The following XKR9 variants were observed in gnomAD, a reference collection of about 807,000 sequenced individuals.
The protein encoded by XKR9 is XK-related protein 9.
A neutral mutation model predicts 32.0 loss-of-function variants in XKR9; 32 were observed. The observed-to-expected ratio is 1.00, with a 90% confidence interval of 0.76 to 1.34. The LOEUF is 1.34. Ranked by LOEUF, XKR9 falls within the 40% of genes most tolerant of loss-of-function variation. The pLI is 0.00. For synonymous variants in XKR9, 168 were observed against 143.4 expected, an observed-to-expected ratio of 1.17 and a Z score of -1.22; for missense variants, 546 against 429.7, an observed-to-expected ratio of 1.27 and a Z score of -2.39.
At chr8:70,901,520 T>C in the XKR9 span, among the ~76,000 whole-genome samples, 1 of 152,338 alleles carries the variant, frequency 6.6e-6, no homozygotes, top group South Asian at 2.1e-4. Flanking sequence ...GTTTTTTTCC[T>C]TGTAAATTTG....
the XKR9 span, among the ~76,000 whole-genome samples, chr8:70,982,922 T>C: frequency 6.6e-6 from 1 of 152,248 alleles, no homozygotes; most frequent in Non-Finnish European, 1.5e-5. Context: ...GGACTAATTT[T>C]TATTCTATGT....
At chr8:70,688,016 A>G (rs1297792700) in intron 3 of XKR9, among the ~76,000 whole-genome samples, 2 of 152,232 alleles carry the variant, frequency 1.3e-5, no homozygotes, top group Non-Finnish European at 1.5e-5. Context: ...AGTTGTTTTA[A>G]GTGTTGGGGA....
chr8:70,769,854 G>T (rs1455748353), intron 2 of XKR9, among the ~76,000 whole-genome samples: 3 of 151,832 alleles, frequency 2.0e-5, no homozygotes, highest in African/African-American at 7.3e-5. Context: ...TTTTATCAAG[G>T]TTCTTAGCTT....
the XKR9 span, among the ~76,000 whole-genome samples, chr8:70,813,142 A>G: frequency 6.6e-6 from 1 of 152,194 alleles, no homozygotes; most frequent in South Asian, 2.1e-4. Context: ...AATGCCGCAT[A>G]TCTACAACCA....
At chr8:70,802,033 T>C in the XKR9 span, among the ~76,000 whole-genome samples, 2 of 151,548 alleles carry the variant, frequency 1.3e-5, no homozygotes, top group Non-Finnish European at 2.9e-5. Context: ...GCCTCCCAGG[T>C]TCACGCCATT....
At chr8:70,723,637 AGCGGAGGCTG>A (rs1479983212) in intron 4 of XKR9, among the ~76,000 whole-genome samples, 3 of 152,210 alleles carry the variant, frequency 2.0e-5, no homozygotes, top group Non-Finnish European at 4.4e-5. Context: ...GGGTATCACC[AGCGGAGGCTG>A]CAGAACAGCA....
At chr8:71,064,723 G>A in the XKR9 span, among the ~76,000 whole-genome samples, 1 of 152,092 alleles carries the variant, frequency 6.6e-6, no homozygotes, top group Non-Finnish European at 1.5e-5. Flanking sequence ...TATTCCTGGT[G>A]CATATGCGAA....
chr8:70,900,814 C>G, the XKR9 span, among the ~76,000 whole-genome samples: 5 of 152,072 alleles, frequency 3.3e-5, no homozygotes, highest in Non-Finnish European at 7.4e-5. Flanking sequence ...TCCCCTACCC[C>G]CGACCCCACT....
chr8:70,811,607 A>T, the XKR9 span, among the ~76,000 whole-genome samples: 3 of 152,182 alleles, frequency 2.0e-5, no homozygotes, highest in African/African-American at 7.2e-5. Flanking sequence ...GATAAAGGGG[A>T]TATTACCACC....
chr8:70,911,273 A>G, the XKR9 span, among the ~76,000 whole-genome samples: 1 of 152,168 alleles, frequency 6.6e-6, no homozygotes, highest in African/African-American at 2.4e-5. Flanking sequence ...CTTATATCCT[A>G]ATACAAGTTT....
the XKR9 span, among the ~76,000 whole-genome samples, chr8:71,049,894 C>A: frequency 2.0e-5 from 3 of 152,016 alleles, no homozygotes; most frequent in Non-Finnish European, 4.4e-5. Flanking sequence ...TAAATGAGTC[C>A]TTTTATTAAA....
intron 4 of XKR9, 144 bp from the exon 5 acceptor site, chr8:70,733,652 C>G: frequency 2.5e-6 from 2 of 804,642 alleles, no homozygotes; most frequent in Non-Finnish European, 3.5e-6. Flanking sequence ...ATAATAATAT[C>G]TACTTCAAAA....
the XKR9 span, among the ~76,000 whole-genome samples, chr8:71,048,125 G>A: frequency 6.6e-6 from 1 of 152,152 alleles, no homozygotes; most frequent in Non-Finnish European, 1.5e-5. Context: ...GAAGTCAACA[G>A]TTGTCTCCAT....
the XKR9 span, among the ~76,000 whole-genome samples, chr8:70,810,106 A>G: frequency 1.3e-5 from 2 of 152,234 alleles, no homozygotes; most frequent in Admixed American, 1.3e-4. Context: ...CAGAAACTCT[A>G]CAAGCCAGAA....
intron 4 of XKR9, among the ~76,000 whole-genome samples, chr8:70,729,289 G>A (rs1806582620): frequency 6.6e-6 from 1 of 152,132 alleles, no homozygotes; most frequent in Non-Finnish European, 1.5e-5. Context: ...TCATAGGAAT[G>A]TATTTTACTA....
At chr8:70,832,481 T>G in the XKR9 span, among the ~76,000 whole-genome samples, 1 of 152,204 alleles carries the variant, frequency 6.6e-6, no homozygotes, top group African/African-American at 2.4e-5. Context: ...GGGAAGACTT[T>G]ACTTACAGGA....
chr8:71,031,519 A>G, the XKR9 span, among the ~76,000 whole-genome samples: 1 of 152,246 alleles, frequency 6.6e-6, no homozygotes, highest in African/African-American at 2.4e-5. Flanking sequence ...AATGGTGAGG[A>G]TAACTCATAA....
chr8:70,715,045 CAAAT>C (rs1246333030), intron 4 of XKR9, among the ~76,000 whole-genome samples: 2 of 152,050 alleles, frequency 1.3e-5, no homozygotes, highest in Non-Finnish European at 2.9e-5. Context: ...GCAAAAATGT[CAAAT>C]AATAGTGTCA....
intron 4 of XKR9, among the ~76,000 whole-genome samples, chr8:70,732,377 A>G (rs1418854629): frequency 6.6e-6 from 1 of 152,188 alleles, no homozygotes; most frequent in East Asian, 1.9e-4. Context: ...TTACAATTAA[A>G]TCCATGCACA....
Sources: allele counts gnomAD v4.1 joint callset (sites outside exome capture counted in the v4.1 genomes callset), GRCh38; gene constraint gnomAD v4.1.1; transcripts MANE v1.5; gene names NCBI Gene and HGNC (gene_info 2026-07-23, HGNC 2026-07-21).